The following NXPE2 variants were observed in gnomAD, a reference collection of about 807,000 sequenced individuals.
The protein encoded by NXPE2 is NXPE family member 2.
A neutral mutation model predicts 34.4 loss-of-function variants in NXPE2; 34 were observed. The ratio of observed to expected loss-of-function variants is 0.99; its 90% CI spans 0.75 to 1.31. NXPE2 has a LOEUF of 1.31. NXPE2 is among the 40% of genes most tolerant of loss of function. The pLI is 0.00. For missense variants in NXPE2, 649 were observed against 672.5 expected (o/e 0.97, Z 0.39); for synonymous variants, 235 against 231.3 (o/e 1.02, Z -0.15).
At chr11:114,605,429 C>T in the NXPE2 span, among the ~76,000 whole-genome samples, 327 of 150,186 alleles carry the variant, frequency 2.2e-3, 3 homozygotes, top group African/African-American at 7.2e-3. Flanking sequence ...TTGCCTCGTG[C>T]GTAACCACTG....
the NXPE2 span, among the ~76,000 whole-genome samples, chr11:114,812,927 A>T: frequency 6.6e-6 from 1 of 152,286 alleles, no homozygotes; most frequent in African/African-American, 2.4e-5. Context: ...ATCATCGGAG[A>T]TGTCAGAGCC....
chr11:114,582,334 T>G, the NXPE2 span: 2 of 1,599,310 alleles, frequency 1.3e-6, no homozygotes, highest in Non-Finnish European at 1.7e-6. Flanking sequence ...GAAACTTTCT[T>G]GTTCTTAGAA....
the NXPE2 span, among the ~76,000 whole-genome samples, chr11:114,540,885 T>TTTTTTTTTTTG: frequency 2.6e-4 from 21 of 81,290 alleles, 4 homozygotes; most frequent in Admixed American, 4.0e-4. Flanking sequence ...TTTTTTTTTT[T>TTTTTTTTTTTG]GGCTTGAACA....
At chr11:114,732,077 A>G in the NXPE2 span, among the ~76,000 whole-genome samples, 4 of 152,204 alleles carry the variant, frequency 2.6e-5, no homozygotes, top group East Asian at 5.8e-4. Context: ...TTAATTTTTC[A>G]TAACTCATTT....
chr11:114,658,572 G>A, the NXPE2 span, among the ~76,000 whole-genome samples: 1 of 152,104 alleles, frequency 6.6e-6, no homozygotes, highest in African/African-American at 2.4e-5. Flanking sequence ...GAACACTAAA[G>A]TGTTATGCTA....
Position 114,705,768 on chromosome 11 carries a change from T to C in NXPE2, c.929-13T>C. On this transcript the variant is annotated splice_polypyrimidine_tract_variant and intron_variant, in intron 4 of 5. Transcript: ENST00000389586. ...TAATAAAAATTACTTAATCTGGAAA[T>C]TTGTATTGCCAGAGAGCGAGAACAT... 1 of 1,385,038 alleles carries C rather than the reference T, an allele frequency of 7.2e-7. No homozygotes were observed. Among genetic ancestry groups the C allele is most frequent in the Non-Finnish European group, 9.5e-7 (1 of 1,056,614 alleles). The allele number at this position is 1,385,038 out of a possible 1,614,324, so 85.8% of individuals were successfully genotyped here.
chr11:114,636,050 C>T, the NXPE2 span, among the ~76,000 whole-genome samples: 1 of 151,506 alleles, frequency 6.6e-6, no homozygotes, highest in Non-Finnish European at 1.5e-5. Context: ...GTACCAGTTC[C>T]TCCTTGTACC....
In NXPE2 at chr11:114,704,574, C is replaced by T. The variant is rs752370983; in HGVS notation, c.928+522C>T. 3.9e-5 allele frequency among the ~76,000 whole-genome samples: 6 copies of T among 152,304 alleles called. No individual in the cohort carries two copies. In the South Asian group the frequency reaches 1.0e-3, roughly 26 times the overall value. ...TCATAGAAGTGATGATTCTGCTACA[C>T]GGGAAATGAAGTGAATTTCAAAATT... On this transcript the variant is annotated intron_variant, in intron 4 of 5. Coordinates refer to ENST00000389586, the MANE Select transcript of NXPE2 (RefSeq NM_182495.6).
At chr11:114,513,029 G>T in the NXPE2 span, 3 of 413,240 alleles carry the variant, frequency 7.3e-6, no homozygotes, top group South Asian at 4.1e-5. Flanking sequence ...AGAGACAGGG[G>T]TATCTGACCC....
At chr11:114,789,461 T>G in the NXPE2 span, among the ~76,000 whole-genome samples, 1 of 152,306 alleles carries the variant, frequency 6.6e-6, no homozygotes, top group South Asian at 2.1e-4. Context: ...ACACTACCCT[T>G]ACAGAGGAAA....
chr11:114,600,509 T>A, the NXPE2 span, among the ~76,000 whole-genome samples: 1 of 152,110 alleles, frequency 6.6e-6, no homozygotes, highest in African/African-American at 2.4e-5. Context: ...ATAACTTCAA[T>A]GTAATTATGA....
chr11:114,729,149 A>G, the NXPE2 span, among the ~76,000 whole-genome samples: 2 of 152,068 alleles, frequency 1.3e-5, no homozygotes, highest in Non-Finnish European at 2.9e-5. Flanking sequence ...GCTCCCACTT[A>G]TAAGTGAGAA....
chr11:114,808,353 C>G, the NXPE2 span, among the ~76,000 whole-genome samples: 1,001 of 150,966 alleles, frequency 6.6e-3, 7 homozygotes, highest in African/African-American at 0.023. Context: ...CAGAGCAGAA[C>G]TGAAGGAAAT....
At chr11:114,701,727 A>C (rs951868483) in intron 3 of NXPE2, among the ~76,000 whole-genome samples, 1 of 152,326 alleles carries the variant, frequency 6.6e-6, no homozygotes, top group South Asian at 2.1e-4. Context: ...GGACTAAGCC[A>C]GTTTCTGTTT....
chr11:114,734,847 G>A, the NXPE2 span, among the ~76,000 whole-genome samples: 12 of 152,260 alleles, frequency 7.9e-5, no homozygotes, highest in East Asian at 1.9e-4. Flanking sequence ...AGTGGCTCAC[G>A]CCTGTAATCC....
the NXPE2 span, among the ~76,000 whole-genome samples, chr11:114,541,607 T>G: frequency 6.6e-6 from 1 of 152,152 alleles, no homozygotes; most frequent in Non-Finnish European, 1.5e-5. Context: ...GCATGAAACA[T>G]CAATCAAATA....
At chr11:114,616,116 C>A in the NXPE2 span, among the ~76,000 whole-genome samples, 1 of 151,562 alleles carries the variant, frequency 6.6e-6, no homozygotes, top group African/African-American at 2.4e-5. Context: ...CATGGGTAAC[C>A]ACTGTTATCC....
chr11:114,694,445 G>T (rs1951211102), intron 2 of NXPE2, among the ~76,000 whole-genome samples: 1 of 152,064 alleles, frequency 6.6e-6, no homozygotes, highest in South Asian at 2.1e-4. Flanking sequence ...CTTCCTGCTT[G>T]GTGCCCTCTG....
chr11:114,652,334 G>A, the NXPE2 span, among the ~76,000 whole-genome samples: 1 of 152,154 alleles, frequency 6.6e-6, no homozygotes, highest in African/African-American at 2.4e-5. Context: ...AGGCTTCAGA[G>A]CACCAGAGCC....
Sources: allele counts gnomAD v4.1 joint callset (sites outside exome capture counted in the v4.1 genomes callset), GRCh38; gene constraint gnomAD v4.1.1; transcripts MANE v1.5; gene names NCBI Gene and HGNC (gene_info 2026-07-23, HGNC 2026-07-21).